The following LYPD6B variants were observed in gnomAD, a reference collection of about 807,000 sequenced individuals.
LYPD6B encodes LY6/PLAUR domain containing 6B, also known as ly6/PLAUR domain-containing protein 6B.
In LYPD6B, 17 loss-of-function variants were observed where a neutral mutation model predicts 22.8. The ratio of observed to expected loss-of-function variants is 0.75; its 90% CI spans 0.51 to 1.12. The LOEUF is 1.12. Among genes scored for constraint, LYPD6B ranks in the 50% most tolerant of loss-of-function variants. The pLI, the probability that LYPD6B is intolerant of heterozygous loss-of-function variation, is 0.00. For missense variants in LYPD6B, 221 were observed against 258.3 expected (o/e 0.86, Z 0.99); for synonymous variants, 106 against 91.6 (o/e 1.16, Z -0.90).
At chr2:149,062,328 A>G (rs1684126636) in intron 1 of LYPD6B, among the ~76,000 whole-genome samples, 2 of 152,196 alleles carry the variant, frequency 1.3e-5, no homozygotes, top group African/African-American at 4.8e-5. Flanking sequence ...AATAACATGT[A>G]AAATATGTAG....
At position 149,051,168 on chromosome 2, in the gene LYPD6B, T is replaced by C. The variant is rs540583312; in HGVS notation, c.-67+12367T>C. The stretch of plus-strand genomic sequence containing the variant: ...AAATATCCCTGAACAATATTATTAT[T>C]ATTATTATTTTTTTTGAGATGGAGT... On this transcript the variant is annotated intron_variant, in intron 1 of 6. Coordinates refer to ENST00000409642, the MANE Select transcript of LYPD6B (RefSeq NM_177964.5). Among the ~76,000 whole-genome samples the C allele has an allele frequency of 5.7e-4, 86 of 151,856 alleles. 1 individual carries two copies. The highest frequency in any genetic ancestry group is 1.1e-3 in the Non-Finnish European group (75 of 67,974).
chr2:149,187,260 G>T (rs1692174934), intron 3 of LYPD6B, among the ~76,000 whole-genome samples: 1 of 152,086 alleles, frequency 6.6e-6, no homozygotes, highest in Non-Finnish European at 1.5e-5. Context: ...GAAGCAGCTG[G>T]TAATTTCCAG....
chr2:149,063,593 T>C (rs1206876803), intron 1 of LYPD6B, among the ~76,000 whole-genome samples: 4 of 152,228 alleles, frequency 2.6e-5, no homozygotes, highest in Non-Finnish European at 5.9e-5. Context: ...AAAAGTGAAT[T>C]AGGATAATTT....
At chr2:149,199,787 A>G (rs1180885981) in intron 3 of LYPD6B, among the ~76,000 whole-genome samples, 10 of 152,216 alleles carry the variant, frequency 6.6e-5, no homozygotes, top group Non-Finnish European at 1.0e-4. Flanking sequence ...ATTGGCAAAG[A>G]GAAATTGAAG....
intron 1 of LYPD6B, among the ~76,000 whole-genome samples, chr2:149,091,201 T>G (rs1369393197): frequency 6.6e-6 from 1 of 152,082 alleles, no homozygotes; most frequent in Non-Finnish European, 1.5e-5. Flanking sequence ...TCTATTTTGT[T>G]GCTGCCTCTG....
intron 3 of LYPD6B, among the ~76,000 whole-genome samples, chr2:149,195,391 T>C (rs1692745358): frequency 6.6e-6 from 1 of 152,144 alleles, no homozygotes; most frequent in South Asian, 2.1e-4. Context: ...CTTGAGGCAA[T>C]AAAACAATGA....
chr2:149,112,955 A>AT (rs1027913750), intron 1 of LYPD6B, among the ~76,000 whole-genome samples: 1 of 152,142 alleles, frequency 6.6e-6, no homozygotes, highest in Non-Finnish European at 1.5e-5. Flanking sequence ...GGTGATATGT[A>AT]TTTTTTCTGC....
chr2:149,194,754 C>T (rs1295846349), intron 3 of LYPD6B, among the ~76,000 whole-genome samples: 1 of 152,200 alleles, frequency 6.6e-6, no homozygotes, highest in Non-Finnish European at 1.5e-5. Context: ...ACTATGTGAG[C>T]ATTCTTTAGC....
chr2:149,121,334 T>C (rs1687343062), intron 1 of LYPD6B, among the ~76,000 whole-genome samples: 1 of 152,234 alleles, frequency 6.6e-6, no homozygotes, highest in East Asian at 1.9e-4. Flanking sequence ...ATGCAATTCA[T>C]CTTAATGGGT....
Position 149,144,587 on chromosome 2 carries a change from TC to T in LYPD6B, c.5+13635del, listed in dbSNP as rs1178786152. Among the ~76,000 whole-genome samples, 3 of 152,146 alleles carry T rather than the reference TC, an allele frequency of 2.0e-5. 1 individual carries two copies. The highest frequency in any genetic ancestry group is 7.2e-5 in the African/African-American group (3 of 41,432). ...TTGTATTTTTAGTACAGACAAGGTT[TC>T]ACCATGTTGGCCCTACTGGTTTTGA... On this transcript the variant is annotated intron_variant, in intron 2 of 6. Transcript: ENST00000409642.
At chr2:149,195,176 C>T (rs1692729680) in intron 3 of LYPD6B, among the ~76,000 whole-genome samples, 1 of 152,166 alleles carries the variant, frequency 6.6e-6, no homozygotes, top group Non-Finnish European at 1.5e-5. Context: ...CACTTAGAGA[C>T]CTTCAGCCCA....
At chr2:149,084,117 A>AAT (rs1273347298) in intron 1 of LYPD6B, among the ~76,000 whole-genome samples, 2 of 151,920 alleles carry the variant, frequency 1.3e-5, no homozygotes, top group Non-Finnish European at 2.9e-5. Context: ...AATAAAATAA[A>AAT]ATAAAACACT....
chr2:149,127,935 C>G (rs1687793458), intron 1 of LYPD6B, among the ~76,000 whole-genome samples: 1 of 151,998 alleles, frequency 6.6e-6, no homozygotes, highest in African/African-American at 2.4e-5. Context: ...GACTGATCAC[C>G]TTGAGGTCAT....
intron 1 of LYPD6B, among the ~76,000 whole-genome samples, chr2:149,116,588 C>G (rs1458746171): frequency 6.6e-6 from 1 of 152,166 alleles, no homozygotes; most frequent in Non-Finnish European, 1.5e-5. Context: ...TTCTCATCCC[C>G]CCACACCCAA....
At chr2:149,179,830 G>T (rs1273676502) in intron 3 of LYPD6B, among the ~76,000 whole-genome samples, 2 of 152,210 alleles carry the variant, frequency 1.3e-5, no homozygotes, top group Non-Finnish European at 2.9e-5. Flanking sequence ...ACAATAGGAA[G>T]CATAGCTGGT....
chr2:149,128,048 G>A (rs189573659), intron 1 of LYPD6B, among the ~76,000 whole-genome samples: 41 of 151,872 alleles, frequency 2.7e-4, no homozygotes, highest in African/African-American at 9.2e-4. Flanking sequence ...TATTCAACTC[G>A]TTTAAAAGAT....
intron 3 of LYPD6B, among the ~76,000 whole-genome samples, chr2:149,192,437 T>A (rs1692556592): frequency 2.7e-5 from 4 of 150,562 alleles, no homozygotes; most frequent in African/African-American, 7.3e-5. Flanking sequence ...TTTTTTTTTT[T>A]AATTCTCATA....
chr2:149,137,723 A>G (rs1688452886), intron 2 of LYPD6B, among the ~76,000 whole-genome samples: 1 of 152,206 alleles, frequency 6.6e-6, no homozygotes. Flanking sequence ...TTTTTCTTTC[A>G]TAAACAACAC....
At chr2:149,065,877 T>A (rs547884750) in intron 1 of LYPD6B, among the ~76,000 whole-genome samples, 11 of 152,120 alleles carry the variant, frequency 7.2e-5, no homozygotes, top group African/African-American at 2.4e-4. Flanking sequence ...TCTGGCCCTT[T>A]TTTTTTGTAT....
Sources: gnomAD v4.1 joint callset for allele counts (sites outside exome capture counted in the v4.1 genomes callset) on GRCh38, gnomAD v4.1.1 for gene constraint, MANE v1.5 for transcripts, NCBI Gene and HGNC (gene_info 2026-07-23, HGNC 2026-07-21) for gene names.